The following CDH18 variants were observed in gnomAD, a reference collection of about 807,000 sequenced individuals.
CDH18 encodes the protein cadherin-18.
Under a neutral mutation model 67.9 loss-of-function variants are expected in CDH18, and 31 were observed. The observed-to-expected ratio is 0.46, with a 90% confidence interval of 0.34 to 0.62. The LOEUF is 0.62. Ranked by LOEUF, CDH18 falls within the 20% of genes least tolerant of loss-of-function variation. The pLI, the probability that CDH18 is intolerant of heterozygous loss-of-function variation, is 0.01. For missense variants in CDH18, 890 were observed against 975.5 expected, an observed-to-expected ratio of 0.91 and a Z score of 1.17; for synonymous variants, 362 against 347.2, an observed-to-expected ratio of 1.04 and a Z score of -0.48.
At chr5:19,724,987 C>A (rs1381772726) in intron 4 of CDH18, among the ~76,000 whole-genome samples, 1 of 148,420 alleles carries the variant, frequency 6.7e-6, no homozygotes. Context: ...AGTGCAGTGG[C>A]ACTATCTGGG....
intron 3 of CDH18, among the ~76,000 whole-genome samples, chr5:19,767,752 C>T (rs893231158): frequency 6.6e-6 from 1 of 151,978 alleles, no homozygotes; most frequent in Non-Finnish European, 1.5e-5. Flanking sequence ...GAAAAACAAC[C>T]TCCAAATTAT....
In CDH18 at chr5:20,128,168, C is replaced by A. The variant is rs1010316908; in HGVS notation, c.-518+127276G>T. 1.3e-5 allele frequency among the ~76,000 whole-genome samples: 2 copies of A among 151,960 alleles called. 1 individual carries two copies. Among genetic ancestry groups the A allele is most frequent in the African/African-American group, 4.8e-5 (2 of 41,312 alleles). On this transcript the variant is annotated intron_variant, in intron 2 of 14. Transcript: ENST00000507958. Reference sequence around the variant, plus strand: ...CTTCTCAGTCTGTATCGCTAAACAGCCTATTAATGTTTGTGAACCTCAGTT... The same window carrying A: ...CTTCTCAGTCTGTATCGCTAAACAGACTATTAATGTTTGTGAACCTCAGTT...
chr5:20,448,812 G>A (rs1457621896), intron 1 of CDH18, among the ~76,000 whole-genome samples: 1 of 152,064 alleles, frequency 6.6e-6, no homozygotes, highest in East Asian at 1.9e-4. Flanking sequence ...TTTGTTTTCC[G>A]ATTAACCAAA....
At chr5:20,118,466 A>C (rs1748096941) in intron 2 of CDH18, among the ~76,000 whole-genome samples, 1 of 152,164 alleles carries the variant, frequency 6.6e-6, no homozygotes, top group South Asian at 2.1e-4. Flanking sequence ...TACTACGCTT[A>C]CCTGTTATAA....
chr5:20,126,355 G>T (rs961690420), intron 2 of CDH18, among the ~76,000 whole-genome samples: 1 of 152,104 alleles, frequency 6.6e-6, no homozygotes, highest in African/African-American at 2.4e-5. Flanking sequence ...AAACTATAAA[G>T]CTACAAGAAG....
At chr5:19,660,274 T>G (rs1248112434) in intron 5 of CDH18, among the ~76,000 whole-genome samples, 6 of 152,240 alleles carry the variant, frequency 3.9e-5, no homozygotes, top group Non-Finnish European at 7.4e-5. Context: ...CTCTTTCAGT[T>G]TCTATAAGTA....
chr5:20,519,816 T>C (rs1755617579), intron 1 of CDH18, among the ~76,000 whole-genome samples: 2 of 151,844 alleles, frequency 1.3e-5, no homozygotes, highest in Non-Finnish European at 2.9e-5. Context: ...ACAGATCAGG[T>C]CAGACTTCTT....
At chr5:20,104,794 A>C (rs755651875) in intron 2 of CDH18, among the ~76,000 whole-genome samples, 1 of 151,936 alleles carries the variant, frequency 6.6e-6, no homozygotes, top group Non-Finnish European at 1.5e-5. Context: ...TTGCCTGTGT[A>C]TTCTATTAAA....
chr5:19,997,720 A>C (rs1299365555), intron 2 of CDH18, among the ~76,000 whole-genome samples: 2 of 152,168 alleles, frequency 1.3e-5, no homozygotes, highest in Non-Finnish European at 2.9e-5. Flanking sequence ...GGACTGCAAC[A>C]ATGGTAAGCT....
intron 2 of CDH18, among the ~76,000 whole-genome samples, chr5:20,190,932 T>C (rs1274336548): frequency 6.6e-6 from 1 of 152,122 alleles, no homozygotes; most frequent in Non-Finnish European, 1.5e-5. Context: ...AAAGTGAAGG[T>C]TCAGGATGGC....
intron 2 of CDH18, among the ~76,000 whole-genome samples, chr5:20,095,596 G>GAAAGAAAGAAAGAAAGAAGA (rs372447959): frequency 2.7e-4 from 3 of 10,980 alleles, no homozygotes; most frequent in African/African-American, 4.9e-4. Flanking sequence ...AAGGAAGAAA[G>GAAAGAAAGAAAGAAAGAAGA]AAGAAAGAAA....
At chr5:19,920,510 C>CTT (rs66464033) in intron 2 of CDH18, among the ~76,000 whole-genome samples, 2 of 83,006 alleles carry the variant, frequency 2.4e-5, no homozygotes, top group Non-Finnish European at 2.6e-5. Flanking sequence ...TTTAACCTTA[C>CTT]TTTTTTTTTT....
intron 1 of CDH18, among the ~76,000 whole-genome samples, chr5:20,339,573 C>T (rs1032003369): frequency 2.4e-4 from 36 of 152,054 alleles, no homozygotes; most frequent in African/African-American, 8.5e-4. Flanking sequence ...TTCCCCTGGT[C>T]CATCCTGCCC....
chr5:19,656,063 T>C (rs1454957743), intron 5 of CDH18, among the ~76,000 whole-genome samples: 1 of 150,920 alleles, frequency 6.6e-6, no homozygotes, highest in Non-Finnish European at 1.5e-5. Context: ...ATTGAAATTC[T>C]GGCTGTGAAA....
intron 2 of CDH18, among the ~76,000 whole-genome samples, chr5:20,236,756 G>A (rs1742503088): frequency 6.6e-6 from 1 of 151,966 alleles, no homozygotes; most frequent in Admixed American, 6.6e-5. Context: ...TCCAAATATT[G>A]TAAGAAGAAA....
chr5:20,328,080 G>A (rs986035164), intron 1 of CDH18, among the ~76,000 whole-genome samples: 1 of 152,024 alleles, frequency 6.6e-6, no homozygotes, highest in African/African-American at 2.4e-5. Flanking sequence ...TAAGAGAAGA[G>A]TGATGAAGCA....
At chr5:20,384,761 G>C (rs980266254) in intron 1 of CDH18, among the ~76,000 whole-genome samples, 1 of 152,124 alleles carries the variant, frequency 6.6e-6, no homozygotes, top group African/African-American at 2.4e-5. Flanking sequence ...TTCTTACACA[G>C]AGAACTATCA....
At position 20,411,564 on chromosome 5, in the gene CDH18, A is replaced by G. The variant is rs187246088; in HGVS notation, c.-579-156059T>C. Among the ~76,000 whole-genome samples, 15 of 152,188 alleles carry G rather than the reference A, an allele frequency of 9.9e-5. No homozygotes were observed. In the East Asian group the frequency reaches 2.9e-3, roughly 29 times the overall value. On this transcript the variant is annotated intron_variant, in intron 1 of 14. Transcript: ENST00000507958. The stretch of plus-strand genomic sequence containing the variant: ...AATCCATGGATTTCCTGCATAACAC[A>G]TAACAAAGGTATGAACAGCAAAATG...
chr5:19,725,422 T>C (rs1227340991), intron 4 of CDH18, among the ~76,000 whole-genome samples: 1 of 152,182 alleles, frequency 6.6e-6, no homozygotes, highest in African/African-American at 2.4e-5. Flanking sequence ...AGACTTTAAA[T>C]GTGCAGCAAG....
Sources: gnomAD v4.1 joint callset for allele counts (sites outside exome capture counted in the v4.1 genomes callset) on GRCh38, gnomAD v4.1.1 for gene constraint, MANE v1.5 for transcripts, NCBI Gene and HGNC (gene_info 2026-07-23, HGNC 2026-07-21) for gene names.